The following KHDRBS2 variants were observed in gnomAD, a reference collection of about 807,000 sequenced individuals.
KHDRBS2 encodes KH domain-containing, RNA-binding, signal transduction-associated protein 2.
In KHDRBS2, 26 loss-of-function variants were observed where a neutral mutation model predicts 44.3. That is an observed-to-expected ratio of 0.59 (90% CI 0.43 to 0.81). KHDRBS2 has a LOEUF of 0.81. Ranked by LOEUF, KHDRBS2 falls within the 40% of genes least tolerant of loss-of-function variation. The probability of loss-of-function intolerance (pLI) is 0.00; values close to 1 mark genes in which losing one functional copy is unlikely to be tolerated. For synonymous variants in KHDRBS2, 194 were observed against 151.1 expected (o/e 1.28, Z -2.08); for missense variants, 476 against 433.1 (o/e 1.10, Z -0.88).
intron 6 of KHDRBS2, among the ~76,000 whole-genome samples, chr6:61,734,303 CTAAAGT>C: frequency 6.6e-6 from 1 of 152,046 alleles, no homozygotes; most frequent in South Asian, 2.1e-4. Flanking sequence ...GTTCAATGTT[CTAAAGT>C]TAATTTTAGT....
At chr6:61,896,320 C>T (rs565644157) in intron 5 of KHDRBS2, among the ~76,000 whole-genome samples, 13 of 152,286 alleles carry the variant, frequency 8.5e-5, no homozygotes, top group South Asian at 2.1e-4. Flanking sequence ...ACTCTATTCA[C>T]GAGCCTTCGC....
intron 7 of KHDRBS2, among the ~76,000 whole-genome samples, chr6:61,704,289 A>C (rs1161155145): frequency 6.6e-6 from 1 of 151,944 alleles, no homozygotes; most frequent in Non-Finnish European, 1.5e-5. Context: ...AAAAGGCTTC[A>C]CGGAAATTAC....
At chr6:62,272,109 T>G (rs1840186502) in intron 1 of KHDRBS2, among the ~76,000 whole-genome samples, 1 of 152,178 alleles carries the variant, frequency 6.6e-6, no homozygotes, top group Non-Finnish European at 1.5e-5. Context: ...TTTTTCTATG[T>G]TTAGGTATAC....
chr6:61,545,734 G>A, the KHDRBS2 span, among the ~76,000 whole-genome samples: 1 of 151,992 alleles, frequency 6.6e-6, no homozygotes. Context: ...TATTTCCAGA[G>A]TGAGTGTATT....
At chr6:61,980,262 T>G (rs1178298946) in intron 3 of KHDRBS2, among the ~76,000 whole-genome samples, 1 of 152,120 alleles carries the variant, frequency 6.6e-6, no homozygotes, top group African/African-American at 2.4e-5. Context: ...GCTACCTGCT[T>G]TTTGTATTTT....
intron 4 of KHDRBS2, among the ~76,000 whole-genome samples, chr6:61,949,042 G>T (rs1764204761): frequency 6.6e-6 from 1 of 151,892 alleles, no homozygotes; most frequent in South Asian, 2.1e-4. Context: ...TCCCTCTTTT[G>T]GGAGCTAACC....
chr6:62,075,064 C>A (rs1442951760), intron 2 of KHDRBS2, among the ~76,000 whole-genome samples: 1 of 151,900 alleles, frequency 6.6e-6, no homozygotes, highest in Non-Finnish European at 1.5e-5. Context: ...GAGAGTAACA[C>A]TTACATTTTG....
chr6:61,598,702 G>A, the KHDRBS2 span, among the ~76,000 whole-genome samples: 6 of 151,990 alleles, frequency 3.9e-5, no homozygotes, highest in Admixed American at 2.6e-4. Flanking sequence ...AGAATTTATT[G>A]TAGAAGTTTA....
intron 2 of KHDRBS2, among the ~76,000 whole-genome samples, chr6:62,073,726 C>T (rs1180330095): frequency 1.3e-5 from 2 of 151,342 alleles, no homozygotes; most frequent in Non-Finnish European, 3.0e-5. Context: ...CTACTATTTC[C>T]TGTTTCTCTT....
chr6:62,236,710 C>G lies in KHDRBS2; in HGVS notation c.91+49148G>C, dbSNP rs1453833486. On this transcript the variant is annotated intron_variant, in intron 1 of 8. Transcript: ENST00000281156. ...TGCTTATTCTAATAATTAAAAAAAGCAAATACATGTAAAATACTTGAAAGT... is the reference window on the plus strand; with the variant it reads ...TGCTTATTCTAATAATTAAAAAAAGGAAATACATGTAAAATACTTGAAAGT... Among the ~76,000 whole-genome samples the G allele has an allele frequency of 5.9e-5, 9 of 151,828 alleles. No homozygotes were observed. The South Asian group carries it at 1.7e-3, about 28-fold the overall frequency.
intron 7 of KHDRBS2, among the ~76,000 whole-genome samples, chr6:61,707,383 T>G (rs1769763607): frequency 6.6e-6 from 1 of 151,760 alleles, no homozygotes; most frequent in African/African-American, 2.4e-5. Flanking sequence ...AAGCCTTCAT[T>G]GACCACAAAC....
chr6:62,193,269 T>C (rs1217222737), intron 1 of KHDRBS2, among the ~76,000 whole-genome samples: 1 of 152,068 alleles, frequency 6.6e-6, no homozygotes, highest in East Asian at 1.9e-4. Context: ...TGAAATCTTA[T>C]ATGGTCCCTT....
chr6:61,606,873 A>C, the KHDRBS2 span, among the ~76,000 whole-genome samples: 3 of 152,168 alleles, frequency 2.0e-5, no homozygotes. Context: ...AGATATCTCA[A>C]ACATGTCAAT....
At chr6:62,207,774 T>A (rs1021276727) in intron 1 of KHDRBS2, among the ~76,000 whole-genome samples, 10 of 152,124 alleles carry the variant, frequency 6.6e-5, no homozygotes, top group African/African-American at 1.2e-4. Flanking sequence ...CTGGATTTTT[T>A]AAAAAATAAT....
At chr6:61,725,884 C>T (rs1264110470) in intron 7 of KHDRBS2, among the ~76,000 whole-genome samples, 1 of 152,020 alleles carries the variant, frequency 6.6e-6, no homozygotes. Context: ...CAAAGATGAG[C>T]TAGTAGTGTA....
intron 6 of KHDRBS2, among the ~76,000 whole-genome samples, chr6:61,736,368 GC>G (rs1775361744): frequency 1.3e-5 from 2 of 151,816 alleles, no homozygotes; most frequent in South Asian, 4.2e-4. Context: ...CATAATTGGA[GC>G]TTTCTGGAGC....
chr6:62,241,121 CTG>C (rs1199935988), intron 1 of KHDRBS2, among the ~76,000 whole-genome samples: 1 of 151,974 alleles, frequency 6.6e-6, no homozygotes, highest in Non-Finnish European at 1.5e-5. Context: ...AATTATAAAA[CTG>C]TGCAAACCCA....
intron 4 of KHDRBS2, among the ~76,000 whole-genome samples, chr6:61,909,358 C>T (rs903764031): frequency 2.0e-5 from 3 of 152,070 alleles, no homozygotes; most frequent in Admixed American, 6.6e-5. Flanking sequence ...TATGAGCCAC[C>T]GTGCCTGGCC....
At chr6:61,996,364 A>G (rs192249330) in intron 3 of KHDRBS2, among the ~76,000 whole-genome samples, 2 of 152,342 alleles carry the variant, frequency 1.3e-5, no homozygotes, top group East Asian at 3.9e-4. Flanking sequence ...ATTAAATACA[A>G]GAGACAAATA....
Sources: gnomAD v4.1 joint callset for allele counts (sites outside exome capture counted in the v4.1 genomes callset) on GRCh38, gnomAD v4.1.1 for gene constraint, MANE v1.5 for transcripts, NCBI Gene and HGNC (gene_info 2026-07-23, HGNC 2026-07-21) for gene names.